The following ADARB2 variants were observed in gnomAD, a reference collection of about 807,000 sequenced individuals.
The protein encoded by ADARB2 is inactive double-stranded RNA-specific editase B2.
ADARB2 carries 25 observed loss-of-function variants against 62.2 expected under a neutral mutation model. That is an observed-to-expected ratio of 0.40 (90% confidence interval 0.29 to 0.56). The LOEUF is 0.56. Among genes scored for constraint, ADARB2 ranks in the 20% least tolerant of loss-of-function variants. The pLI is 0.43. For synonymous variants in ADARB2, 572 were observed against 500.8 expected (o/e 1.14, Z -1.90); for missense variants, 1,071 against 1,077.4 (o/e 0.99, Z 0.08).
chr10:1,395,033 C>T (rs1319911033), intron 1 of ADARB2: 10 of 451,808 alleles, frequency 2.2e-5, no homozygotes, highest in Admixed American at 7.1e-5. Flanking sequence ...GATCCTGCCT[C>T]GGCCTCCCAA....
At chr10:1,550,322 C>A (rs2813354) in intron 1 of ADARB2, among the ~76,000 whole-genome samples, 2 of 152,176 alleles carry the variant, frequency 1.3e-5, no homozygotes, top group African/African-American at 4.8e-5. Flanking sequence ...CAAAGTACCA[C>A]GGAAAATGCC....
intron 7 of ADARB2, among the ~76,000 whole-genome samples, chr10:1,207,588 T>C (rs961166719): frequency 6.6e-6 from 1 of 152,042 alleles, no homozygotes; most frequent in Non-Finnish European, 1.5e-5. Context: ...TGAGGGAACA[T>C]TGAGCAGCTG....
At chr10:1,481,013 T>C (rs543798469) in intron 1 of ADARB2, among the ~76,000 whole-genome samples, 1 of 152,318 alleles carries the variant, frequency 6.6e-6, no homozygotes, top group South Asian at 2.1e-4. Flanking sequence ...CAAAATAATC[T>C]TTAAGAAAAG....
chr10:1,502,136 G>T (rs987256694), intron 1 of ADARB2, among the ~76,000 whole-genome samples: 2 of 152,170 alleles, frequency 1.3e-5, no homozygotes, highest in African/African-American at 4.8e-5. Flanking sequence ...CATCAAGAAC[G>T]GACACAATAG....
At chr10:1,493,019 A>G (rs1230776037) in intron 1 of ADARB2, among the ~76,000 whole-genome samples, 2 of 152,234 alleles carry the variant, frequency 1.3e-5, no homozygotes, top group African/African-American at 2.4e-5. Flanking sequence ...TAAAAGGGAC[A>G]GGTCACAGCA....
chr10:1,370,478 AC>A (rs1169412723), intron 2 of ADARB2, among the ~76,000 whole-genome samples: 1 of 152,198 alleles, frequency 6.6e-6, no homozygotes, highest in East Asian at 1.9e-4. Flanking sequence ...GAAATAAAAG[AC>A]ATCCAAATTG....
chr10:1,188,739 C>T (rs896071209), intron 8 of ADARB2, among the ~76,000 whole-genome samples: 3 of 152,106 alleles, frequency 2.0e-5, no homozygotes, highest in East Asian at 1.9e-4. Flanking sequence ...GCCCGTGGAG[C>T]GGGAACCACG....
At chr10:1,394,572 A>C (rs1031301725) in intron 1 of ADARB2, among the ~76,000 whole-genome samples, 4 of 152,132 alleles carry the variant, frequency 2.6e-5, no homozygotes, top group Non-Finnish European at 5.9e-5. Context: ...AAGGCCCAGG[A>C]GGGGAGAGGG....
intron 2 of ADARB2, among the ~76,000 whole-genome samples, chr10:1,374,346 T>C (rs1446938650): frequency 1.3e-5 from 2 of 152,180 alleles, no homozygotes; most frequent in African/African-American, 4.8e-5. Context: ...CATCCACTTC[T>C]CCCACGGGCA....
At position 1,212,251 on chromosome 10, in the gene ADARB2, C is replaced by G. The variant is rs571354357; in HGVS notation, c.1682+4700G>C. On this transcript the variant is annotated intron_variant, in intron 7 of 9. Transcript: ENST00000381312. ...AGGATAGAAAACAGATGAACACATA[C>G]GTTATCAGATGGTCTCTCTGTACAA... Among the ~76,000 whole-genome samples, 29 of 152,330 alleles carry G rather than the reference C, an allele frequency of 1.9e-4. 1 individual carries two copies. Among genetic ancestry groups the G allele is most frequent in the African/African-American group, 7.0e-4 (29 of 41,564 alleles).
intron 4 of ADARB2, among the ~76,000 whole-genome samples, chr10:1,259,395 C>A (rs1831112388): frequency 6.6e-6 from 1 of 152,148 alleles, no homozygotes; most frequent in Admixed American, 6.5e-5. Context: ...AATTGATAGA[C>A]CTCTAGCAAG....
Position 1,717,156 on chromosome 10 carries a change from CTTTTTTTTT to C in ADARB2, c.100+19886_100+19894del, listed in dbSNP as rs397969884. On this transcript the variant is annotated intron_variant, in intron 1 of 9. Transcript: ENST00000381312. The stretch of plus-strand genomic sequence containing the variant: ...TGTCTCTGCTTGGGTTTGTAGTGTG[CTTTTTTTTT>C]TTTTTTTTTTTGCTTTTTGTTTTTA... Among the ~76,000 whole-genome samples, 13 of 63,270 alleles carry C rather than the reference CTTTTTTTTT, an allele frequency of 2.1e-4. 1 individual carries two copies. Among genetic ancestry groups the C allele is most frequent in the African/African-American group, 7.6e-4 (12 of 15,822 alleles). The allele number at this position is 63,270 out of a possible 152,430, so 41.5% of individuals were successfully genotyped here.
chr10:1,658,955 C>T (rs1834209381), intron 1 of ADARB2, among the ~76,000 whole-genome samples: 1 of 152,168 alleles, frequency 6.6e-6, no homozygotes, highest in African/African-American at 2.4e-5. Context: ...TTGATTTTTT[C>T]CCAGACACTG....
intron 6 of ADARB2, among the ~76,000 whole-genome samples, chr10:1,226,510 C>G (rs1427958527): frequency 6.6e-6 from 1 of 152,142 alleles, no homozygotes; most frequent in Admixed American, 6.5e-5. Context: ...TCCAGTTTTT[C>G]TGCTCTGTTT....
At chr10:1,342,940 G>T (rs980711426) in intron 3 of ADARB2, among the ~76,000 whole-genome samples, 2 of 152,214 alleles carry the variant, frequency 1.3e-5, no homozygotes, top group Admixed American at 6.5e-5. Flanking sequence ...AAAAGTTGGA[G>T]AAAAATGTTG....
At chr10:1,299,976 C>T (rs1001529945) in intron 3 of ADARB2, among the ~76,000 whole-genome samples, 4 of 152,200 alleles carry the variant, frequency 2.6e-5, no homozygotes, top group African/African-American at 7.2e-5. Flanking sequence ...TTACCTACCT[C>T]ACCAGGGGGG....
chr10:1,245,437 T>C (rs1369939281), intron 4 of ADARB2, among the ~76,000 whole-genome samples: 7 of 152,156 alleles, frequency 4.6e-5, no homozygotes, highest in African/African-American at 1.4e-4. Flanking sequence ...GCTGCACCTG[T>C]TAACTTGTCA....
At position 1,710,990 on chromosome 10, in the gene ADARB2, G is replaced by A. The variant is rs116572956; in HGVS notation, c.100+26061C>T. Among the ~76,000 whole-genome samples the A allele has an allele frequency of 4.7e-3, 714 of 152,164 alleles. 7 individuals carry two copies. The highest frequency in any genetic ancestry group is 0.016 in the African/African-American group (674 of 41,522). On this transcript the variant is annotated intron_variant, in intron 1 of 9. Coordinates refer to ENST00000381312, the MANE Select transcript of ADARB2 (RefSeq NM_018702.4). ...AACCCCCTGTGCTCTGCATTTCCATGTTTGAAAGTTAGTTCTTGCAAACTC... is the reference window on the plus strand; with the variant it reads ...AACCCCCTGTGCTCTGCATTTCCATATTTGAAAGTTAGTTCTTGCAAACTC...
intron 4 of ADARB2, among the ~76,000 whole-genome samples, chr10:1,262,742 A>T (rs529335608): frequency 6.6e-6 from 1 of 152,304 alleles, no homozygotes; most frequent in Admixed American, 6.5e-5. Context: ...AGGGATCTAG[A>T]ACTAGAAATA....
Sources: gnomAD v4.1 joint callset for allele counts (sites outside exome capture counted in the v4.1 genomes callset) on GRCh38, gnomAD v4.1.1 for gene constraint, MANE v1.5 for transcripts, NCBI Gene and HGNC (gene_info 2026-07-23, HGNC 2026-07-21) for gene names.